The following THBS4 variants were observed in gnomAD, a reference collection of about 807,000 sequenced individuals.
THBS4 encodes the protein thrombospondin 4, also known as thrombospondin-4.
A neutral mutation model predicts 115.7 loss-of-function variants in THBS4; 90 were observed. The ratio of observed to expected loss-of-function variants is 0.78; its 90% confidence interval spans 0.66 to 0.93. The LOEUF is 0.93. Among genes scored for constraint, THBS4 ranks in the 40% least tolerant of loss-of-function variants. THBS4 has a pLI of 0.00. For missense variants in THBS4, 1,087 were observed against 1,232.7 expected, an observed-to-expected ratio of 0.88 and a Z score of 1.77; for synonymous variants, 460 against 479.3, an observed-to-expected ratio of 0.96 and a Z score of 0.53.
chr5:80,047,566 G>A (rs1322525070), intron 2 of THBS4, among the ~76,000 whole-genome samples: 2 of 151,896 alleles, frequency 1.3e-5, no homozygotes, highest in African/African-American at 2.4e-5. Flanking sequence ...CCAGCACTTT[G>A]GGAGTCTGAG....
intron 2 of THBS4, among the ~76,000 whole-genome samples, chr5:80,055,537 T>G (rs1210101741): frequency 3.3e-5 from 5 of 152,154 alleles, no homozygotes; most frequent in African/African-American, 9.7e-5. Flanking sequence ...CCACATATTG[T>G]CTGTTTCTCC....
chr5:80,070,530 C>G, intron 11 of THBS4, 113 bp from the exon 12 acceptor site: 4 of 1,373,670 alleles, frequency 2.9e-6, no homozygotes, highest in Non-Finnish European at 4.1e-6. Flanking sequence ...AGCTGCATCT[C>G]AGAGGAAGTG....
At chr5:80,018,717 A>AT (rs2151157471) in intron 2 of THBS4, among the ~76,000 whole-genome samples, 1 of 151,712 alleles carries the variant, frequency 6.6e-6, no homozygotes, top group South Asian at 2.1e-4. Flanking sequence ...TTTTTTAAAC[A>AT]TTTTTTATTT....
rs760500923 is a variant in THBS4 at position 80,058,800 on chromosome 5, G to A, written c.732+10G>A. ...CCTTCTGAGACAGCAGGTAACAAGC[G>A]GGACATATCATCAGAAAAGCCCTCG... On this transcript the variant is annotated intron_variant, in intron 5 of 21. Coordinates refer to ENST00000350881, the MANE Select transcript of THBS4 (RefSeq NM_003248.6). The A allele has an allele frequency of 4.9e-5, 79 of 1,611,674 alleles. No individual in the cohort carries two copies. The highest frequency in any genetic ancestry group is 1.6e-4 in the Middle Eastern group (1 of 6,068).
intron 2 of THBS4, among the ~76,000 whole-genome samples, chr5:80,030,069 GCT>G (rs1491523968): frequency 6.6e-6 from 1 of 152,144 alleles, no homozygotes; most frequent in Non-Finnish European, 1.5e-5. Flanking sequence ...TTTTGGAATA[GCT>G]TTTTTCCTGT....
intron 2 of THBS4, among the ~76,000 whole-genome samples, chr5:80,021,938 T>C (rs1832386754): frequency 6.6e-6 from 1 of 152,168 alleles, no homozygotes; most frequent in African/African-American, 2.4e-5. Flanking sequence ...TGTTCTCCTC[T>C]ACTCCACAGC....
intron 2 of THBS4, among the ~76,000 whole-genome samples, chr5:80,046,562 C>G (rs1833072164): frequency 2.0e-5 from 3 of 151,746 alleles, no homozygotes; most frequent in Admixed American, 2.0e-4. Flanking sequence ...GGGATTTTTT[C>G]TAAGACAAAG....
At chr5:80,062,393 A>C (rs2112106625) in intron 8 of THBS4, among the ~76,000 whole-genome samples, 1 of 152,272 alleles carries the variant, frequency 6.6e-6, no homozygotes, top group South Asian at 2.1e-4. Context: ...CTGACTGTGA[A>C]ATTCTTTTTG....
intron 7 of THBS4, among the ~76,000 whole-genome samples, chr5:80,060,178 T>C (rs2112099871): frequency 6.6e-6 from 1 of 152,334 alleles, no homozygotes; most frequent in East Asian, 1.9e-4. Context: ...ACGCTGACAT[T>C]TGCATTGGTT....
chr5:80,072,187 C>A, intron 13 of THBS4, 91 bp from the exon 14 acceptor site: 2 of 1,151,360 alleles, frequency 1.7e-6, no homozygotes, highest in Non-Finnish European at 2.6e-6. Context: ...CTGGCCCAGG[C>A]AGAAGTGACT....
upstream of THBS4, among the ~76,000 whole-genome samples, chr5:80,034,813 A>G (rs928390059): frequency 6.6e-6 from 1 of 152,206 alleles, no homozygotes; most frequent in African/African-American, 2.4e-5. Flanking sequence ...CCTTTCAAGT[A>G]TTCAAGAAAA....
At chr5:80,014,756 C>T (rs1479429163) in intron 2 of THBS4, among the ~76,000 whole-genome samples, 1 of 152,170 alleles carries the variant, frequency 6.6e-6, no homozygotes, top group Non-Finnish European at 1.5e-5. Context: ...CTTCTATTAC[C>T]TGGGGTCACC....
At chr5:80,014,938 C>T (rs948784166) in intron 2 of THBS4, among the ~76,000 whole-genome samples, 5 of 152,196 alleles carry the variant, frequency 3.3e-5, no homozygotes, top group African/African-American at 7.2e-5. Context: ...CAATAACTGA[C>T]GTCTTTTCTT....
At chr5:80,034,722 G>C (rs1014909929), upstream of THBS4, among the ~76,000 whole-genome samples, 1 of 152,160 alleles carries the variant, frequency 6.6e-6, no homozygotes, top group Non-Finnish European at 1.5e-5. Context: ...TGGATTCCTT[G>C]AGATGTGTTT....
chr5:80,035,932 A>C lies in THBS4; in HGVS notation c.88+307A>C. 2.9e-6 allele frequency: 3 copies of C among 1,026,120 alleles called. No individual in the cohort carries two copies. Among genetic ancestry groups the C allele is most frequent in the Non-Finnish European group, 1.2e-6 (1 of 841,238 alleles). 63.6% of individuals were successfully genotyped at this position (1,026,120 alleles called of 1,614,324 possible). ...GCTACACGGTCCTAGACCTCTTAACATGTTAGGCTCTGGTGTAGGGTGAAT... is the reference window on the plus strand; with the variant it reads ...GCTACACGGTCCTAGACCTCTTAACCTGTTAGGCTCTGGTGTAGGGTGAAT... On this transcript the variant is annotated intron_variant, in intron 1 of 21. Transcript: ENST00000350881. The surrounding 1 kb of genome is among the most constrained non-coding windows in gnomAD (Gnocchi z 4.6).
chr5:80,067,816 T>G, intron 9 of THBS4, 157 bp from the exon 10 acceptor site: 1 of 757,892 alleles, frequency 1.3e-6, no homozygotes, highest in East Asian at 2.8e-5. Context: ...AACATTCACA[T>G]GATCTTACAT....
intron 1 of THBS4, among the ~76,000 whole-genome samples, chr5:79,994,669 G>T (rs147970540): frequency 5.4e-4 from 83 of 152,302 alleles, no homozygotes; most frequent in Middle Eastern, 3.4e-3. Context: ...AGCTGGGCAT[G>T]ATGGTGTGTG....
chr5:80,080,060 C>T lies in THBS4; in HGVS notation c.2667C>T (p.Pro889=). The T allele has an allele frequency of 6.2e-7, 1 of 1,613,946 alleles. No homozygotes were observed. The highest frequency in any genetic ancestry group is 1.1e-5 in the South Asian group (1 of 91,052). Residue 889 remains proline, a synonymous_variant, in exon 20 of 22, where the codon CCC becomes CCT. Transcript: ENST00000350881. ...ACCGCTGGTTCCTACAGCACAGGCCCCAGGTGGGCTACATCAGGTAGGTAG... is the reference window on the plus strand; with the variant it reads ...ACCGCTGGTTCCTACAGCACAGGCCTCAGGTGGGCTACATCAGGTAGGTAG... ...VSYRWFLQHR[P]QVGYIRVRFY...
chr5:80,009,745 A>G (rs960112228), intron 2 of THBS4, among the ~76,000 whole-genome samples: 3 of 152,224 alleles, frequency 2.0e-5, no homozygotes, highest in Middle Eastern at 3.4e-3. Flanking sequence ...ACAATTTTGT[A>G]TTTTTCTCAG....
Sources: allele counts gnomAD v4.1 joint callset (sites outside exome capture counted in the v4.1 genomes callset), GRCh38; gene constraint gnomAD v4.1.1; non-coding constraint Gnocchi (gnomAD v3.1); transcripts MANE v1.5; gene names NCBI Gene and HGNC (gene_info 2026-07-23, HGNC 2026-07-21).